ACACB: variants seen among roughly 807,000 people sequenced by gnomAD.
The protein encoded by ACACB is acetyl-CoA carboxylase 2.
A neutral mutation model predicts 278.8 loss-of-function variants in ACACB; 209 were observed. The observed-to-expected ratio is 0.75, with a 90% CI of 0.67 to 0.84. The LOEUF (loss-of-function observed/expected upper bound fraction) is 0.84, where lower values mean the gene tolerates loss of function less well. Among genes scored for constraint, ACACB ranks in the 40% least tolerant of loss-of-function variants. ACACB has a pLI of 0.00. For missense variants in ACACB, 2,850 were observed against 3,269.0 expected (o/e 0.87, Z 3.13); for synonymous variants, 1,174 against 1,285.6 (o/e 0.91, Z 1.86).
rs2044207844 is a variant in ACACB at position 109,174,156 on chromosome 12, C to T, written c.1142C>T (p.Ala381Val). ...FLGPPSEAMW[A>V]LGDKIASTVV... ...GGCCCTCCCAGTGAGGCCATGTGGGCCTTAGGAGATAAGATCGCCTCCACC... is the reference window on the plus strand; with the variant it reads ...GGCCCTCCCAGTGAGGCCATGTGGGTCTTAGGAGATAAGATCGCCTCCACC... The change falls in exon 7 of 53, where the codon GCC (alanine) becomes GTC (valine). Residue 381 changes from alanine (A) to valine (V), a missense_variant. Ala to Val is a moderately conservative substitution (Grantham distance 64). This residue lies in a region of ACACB where 2,265 missense variants were observed against 2,561.3 expected (regional missense o/e 0.88). Coordinates refer to ENST00000338432, the MANE Select transcript of ACACB (RefSeq NM_001093.4). 6.2e-7 allele frequency: 1 copy of T among 1,612,726 alleles called. No individual in the cohort carries two copies. Among genetic ancestry groups the T allele is most frequent in the Admixed American group, 1.7e-5 (1 of 59,914 alleles).
At chr12:109,210,095 A>ACG (rs2045686740) in intron 21 of ACACB, among the ~76,000 whole-genome samples, 3 of 75,248 alleles carry the variant, frequency 4.0e-5, no homozygotes, top group Admixed American at 1.2e-4. Flanking sequence ...ATATACACAC[A>ACG]TGTGTGTGTA....
At position 109,187,852 on chromosome 12, in the gene ACACB, C is replaced by T. The variant is rs938440581; in HGVS notation, c.1981-147C>T. On this transcript the variant is annotated intron_variant, in intron 12 of 52. Transcript: ENST00000338432. ...CACCCATGAATAGATACATCCATAC[C>T]TGTAACAAGCGATATCAGTGTTCTA... 5 of 754,992 alleles carry T rather than the reference C, an allele frequency of 6.6e-6. No homozygotes were observed. In the Admixed American group the frequency reaches 1.6e-4, roughly 24 times the overall value. The allele number at this position is 754,992 out of a possible 1,614,324, so 46.8% of individuals were successfully genotyped here.
At chr12:109,197,287 T>A in intron 17 of ACACB, 134 bp downstream of exon 17, 1 of 1,145,756 alleles carries the variant, frequency 8.7e-7, no homozygotes, top group Non-Finnish European at 1.2e-6. Context: ...ATTCTGGGGG[T>A]GTGCAGAGAA....
At chr12:109,224,160 G>A (rs1349822055) in intron 27 of ACACB, among the ~76,000 whole-genome samples, 1 of 152,134 alleles carries the variant, frequency 6.6e-6, no homozygotes. Flanking sequence ...CCTCATTCCA[G>A]ATTCCATGCT....
chr12:109,140,662 A>T (rs964496481), intron 2 of ACACB, among the ~76,000 whole-genome samples: 1 of 152,154 alleles, frequency 6.6e-6, no homozygotes, highest in African/African-American at 2.4e-5. Flanking sequence ...GTCTCAAAAA[A>T]GGAAAAAAGG....
chr12:109,119,055 A>G (rs2042474761), intron 1 of ACACB, among the ~76,000 whole-genome samples: 1 of 152,230 alleles, frequency 6.6e-6, no homozygotes, highest in Non-Finnish European at 1.5e-5. Flanking sequence ...CAGGTATGCC[A>G]TAATAATTAT....
At position 109,232,885 on chromosome 12, in the gene ACACB, T is replaced by G. The variant is rs890246518; in HGVS notation, c.4139+79T>G. ...TCCCTTGAATCCCCCCCCAATTCACTGGACAGATGGGGTGGGAGAGACCCA... is the reference window on the plus strand; with the variant it reads ...TCCCTTGAATCCCCCCCCAATTCACGGGACAGATGGGGTGGGAGAGACCCA... On this transcript the variant is annotated intron_variant, in intron 29 of 52. Transcript: ENST00000338432. 5 of 1,553,000 alleles carry G rather than the reference T, an allele frequency of 3.2e-6. No individual in the cohort carries two copies. In the Admixed American group the frequency reaches 7.0e-5, roughly 22 times the overall value.
chr12:109,117,091 A>G (rs2135922725), intron 1 of ACACB, among the ~76,000 whole-genome samples: 1 of 129,354 alleles, frequency 7.7e-6, no homozygotes, highest in African/African-American at 3.1e-5. Flanking sequence ...AAGGCTGGGC[A>G]CGGTGGCTCA....
At chr12:109,136,211 A>G (rs1430509768) in intron 1 of ACACB, among the ~76,000 whole-genome samples, 1 of 152,234 alleles carries the variant, frequency 6.6e-6, no homozygotes, top group East Asian at 1.9e-4. Context: ...CTATATGTCT[A>G]TCTTATGCCA....
chr12:109,260,373 C>A, intron 47 of ACACB, 107 bp from the exon 48 acceptor site: 1 of 1,399,448 alleles, frequency 7.1e-7, no homozygotes, highest in Non-Finnish European at 1.0e-6. Flanking sequence ...GCTCTCCAAG[C>A]CTCTCAGCTG....
At chr12:109,181,125 C>G (rs2044450962) in intron 11 of ACACB, among the ~76,000 whole-genome samples, 1 of 151,922 alleles carries the variant, frequency 6.6e-6, no homozygotes, top group Non-Finnish European at 1.5e-5. Flanking sequence ...ATAATGTTCT[C>G]CAGTTCCATC....
In ACACB at chr12:109,191,215, C is replaced by CTTT. The variant is rs573960328; in HGVS notation, c.2145-385_2145-383dup. On this transcript the variant is annotated intron_variant, in intron 13 of 52. Coordinates refer to ENST00000338432, the MANE Select transcript of ACACB (RefSeq NM_001093.4). The stretch of plus-strand genomic sequence containing the variant: ...CAGTCAGAGCCCTCTCTTAACTCTT[C>CTTT]TTTTTTTTTTTTTTTGGAGACAGAG... 2.2e-5 allele frequency among the ~76,000 whole-genome samples: 3 copies of CTTT among 137,088 alleles called. 1 individual carries two copies. Among genetic ancestry groups the CTTT allele is most frequent in the Non-Finnish European group, 4.7e-5 (3 of 64,280 alleles). The allele number at this position is 137,088 out of a possible 152,430, so 89.9% of individuals were successfully genotyped here.
chr12:109,255,770 G>A (rs1593717988), intron 44 of ACACB, among the ~76,000 whole-genome samples: 1 of 152,280 alleles, frequency 6.6e-6, no homozygotes. Flanking sequence ...TGAGTTTTTC[G>A]GGAAAGGTGG....
chr12:109,209,890 T>C (rs1245177839), intron 21 of ACACB, among the ~76,000 whole-genome samples: 1 of 127,634 alleles, frequency 7.8e-6, no homozygotes, highest in Non-Finnish European at 1.7e-5. Context: ...TGTGTATATA[T>C]GTATATACAC....
At chr12:109,228,518 C>G (rs1326095375) in intron 28 of ACACB, among the ~76,000 whole-genome samples, 1 of 151,290 alleles carries the variant, frequency 6.6e-6, no homozygotes, top group African/African-American at 2.4e-5. Context: ...ATTTGCCAGG[C>G]GTGGTGGCAC....
intron 3 of ACACB, 38 bp from the exon 4 acceptor site, chr12:109,167,858 A>G: frequency 6.2e-7 from 1 of 1,613,270 alleles, no homozygotes; most frequent in East Asian, 2.2e-5. Context: ...GCGCAGGTAG[A>G]TGTGCATCTA....
chr12:109,244,451 C>T (rs891400663), intron 37 of ACACB, among the ~76,000 whole-genome samples: 6 of 152,240 alleles, frequency 3.9e-5, no homozygotes, highest in South Asian at 2.1e-4. Context: ...ATTCAGTGGG[C>T]GCTTAATAAG....
chr12:109,209,267 G>A lies in ACACB; in HGVS notation c.3163G>A (p.Ala1055Thr), dbSNP rs373113364. 40 of 1,612,284 alleles carry A rather than the reference G, an allele frequency of 2.5e-5. No homozygotes were observed. The highest frequency in any genetic ancestry group is 2.2e-4 in the Admixed American group (13 of 59,916). The change falls in exon 21 of 53, where the codon GCC becomes ACC. Residue 1055 changes from alanine to threonine, a missense_variant. Coordinates refer to ENST00000338432, the MANE Select transcript of ACACB (RefSeq NM_001093.4). Reference sequence around the variant, plus strand: ...GACCAGCGTGGCAGGCCGCATCCCCGCCCCTGTGGAGAAGTCTGTCCGCAG... The same window carrying A: ...GACCAGCGTGGCAGGCCGCATCCCCACCCCTGTGGAGAAGTCTGTCCGCAG... The part of the protein sequence containing the change: ...IMTSVAGRIP[A>T]PVEKSVRRVM...
At chr12:109,176,113 G>A in intron 8 of ACACB, 40 bp from the exon 9 acceptor site, 1 of 1,611,968 alleles carries the variant, frequency 6.2e-7, no homozygotes, top group Non-Finnish European at 8.5e-7. Flanking sequence ...GTTGGCAACT[G>A]GCTAACCTCT....
Sources: allele counts gnomAD v4.1 joint callset (sites outside exome capture counted in the v4.1 genomes callset), GRCh38; gene constraint gnomAD v4.1.1; regional missense constraint gnomAD v4.1.1; transcripts MANE v1.5; gene names NCBI Gene and HGNC (gene_info 2026-07-23, HGNC 2026-07-21).